The following TSHZ3 variants were observed in gnomAD, a reference collection of about 807,000 sequenced individuals.
The protein encoded by TSHZ3 is teashirt homolog 3.
TSHZ3 carries 10 observed loss-of-function variants against 64.5 expected under a neutral mutation model. The observed-to-expected ratio is 0.16, with a 90% CI of 0.10 to 0.26. TSHZ3 has a LOEUF of 0.26. Among genes scored for constraint, TSHZ3 ranks in the 10% least tolerant of loss-of-function variants. The probability of loss-of-function intolerance (pLI) is 1.00; values close to 1 mark genes in which losing one functional copy is unlikely to be tolerated. For synonymous variants in TSHZ3, 608 were observed against 593.1 expected (o/e 1.03, Z -0.36); for missense variants, 1,242 against 1,421.7 (o/e 0.87, Z 2.03).
At chr19:31,247,066 G>A (rs180981828) in intron 1 of TSHZ3, among the ~76,000 whole-genome samples, 2 of 152,284 alleles carry the variant, frequency 1.3e-5, no homozygotes, top group Admixed American at 1.3e-4. Context: ...CTTCCTTGCA[G>A]TAGAAAGACA....
intron 5 of TSHZ3, among the ~76,000 whole-genome samples, chr19:31,158,077 T>A (rs1218454427): frequency 6.6e-6 from 1 of 152,194 alleles, no homozygotes; most frequent in Non-Finnish European, 1.5e-5. Context: ...TAGATATACA[T>A]ATAATTTGGA....
intron 1 of TSHZ3, among the ~76,000 whole-genome samples, chr19:31,291,769 G>T (rs1358666608): frequency 6.6e-6 from 1 of 152,180 alleles, no homozygotes; most frequent in African/African-American, 2.4e-5. Flanking sequence ...CTGTCATGGG[G>T]AGTCCATACA....
intron 1 of TSHZ3, among the ~76,000 whole-genome samples, chr19:31,307,222 A>T (rs1916326003): frequency 6.6e-6 from 1 of 152,144 alleles, no homozygotes; most frequent in Admixed American, 6.5e-5. Context: ...GCTGTGTAAA[A>T]AGCCAAGTGC....
chr19:31,345,376 G>A (rs1014630723), intron 1 of TSHZ3, among the ~76,000 whole-genome samples: 3 of 152,280 alleles, frequency 2.0e-5, no homozygotes, highest in East Asian at 1.9e-4. Flanking sequence ...GCTCCTTCCT[G>A]GAGCTGCCCG....
chr19:31,313,862 G>A lies in TSHZ3; in HGVS notation c.41-34110C>T, dbSNP rs576364278. On this transcript the variant is annotated intron_variant, in intron 1 of 1. Transcript: ENST00000240587. ...GAAGGGTATGGCACTGAGAGTCCGG[G>A]TACCTGCATCCTGGCACCGACACTC... Among the ~76,000 whole-genome samples the A allele has an allele frequency of 3.3e-5, 5 of 152,278 alleles. No individual in the cohort carries two copies. In the East Asian group the frequency reaches 9.7e-4, roughly 30 times the overall value.
chr19:31,250,125 A>G (rs1232183922), intron 1 of TSHZ3, among the ~76,000 whole-genome samples: 2 of 152,216 alleles, frequency 1.3e-5, no homozygotes, highest in Non-Finnish European at 1.5e-5. Flanking sequence ...AATCTTTCTG[A>G]CATCTTAAAA....
intron 1 of TSHZ3, among the ~76,000 whole-genome samples, chr19:31,282,985 T>A (rs141046679): frequency 0.016 from 2,452 of 152,276 alleles, 35 homozygotes; most frequent in Admixed American, 0.025. Flanking sequence ...GTGAGAAGTA[T>A]TTCCTTAGGT....
chr19:31,293,030 A>AATCCATCCATCCATCCATCC (rs1042589257), intron 1 of TSHZ3, among the ~76,000 whole-genome samples: 6,422 of 121,096 alleles, frequency 0.053, 183 homozygotes, highest in South Asian at 0.088. Flanking sequence ...TCCATCCAAA[A>AATCCATCCATCCATCCATCC]ATCCATCCAT....
At chr19:31,313,772 T>C (rs577167430) in intron 1 of TSHZ3, among the ~76,000 whole-genome samples, 112 of 152,300 alleles carry the variant, frequency 7.4e-4, no homozygotes, top group Middle Eastern at 3.4e-3. Context: ...CTCCTTGCCC[T>C]AGAAAGGCCC....
At chr19:31,301,211 C>T (rs1293580118) in intron 1 of TSHZ3, among the ~76,000 whole-genome samples, 1 of 151,952 alleles carries the variant, frequency 6.6e-6, no homozygotes, top group Non-Finnish European at 1.5e-5. Flanking sequence ...TGCAAAGAAG[C>T]GGGTGGTGCA....
chr19:31,256,056 A>G (rs537763432), intron 1 of TSHZ3, among the ~76,000 whole-genome samples: 1 of 152,258 alleles, frequency 6.6e-6, no homozygotes, highest in South Asian at 2.1e-4. Context: ...GTGCATGGTC[A>G]TTCTTCATCA....
chr19:31,280,787 T>TGGAAGATGCACGTC (rs1452519952), intron 1 of TSHZ3, among the ~76,000 whole-genome samples: 15 of 152,374 alleles, frequency 9.8e-5, no homozygotes, highest in African/African-American at 3.6e-4. Flanking sequence ...GCCTGCAGGT[T>TGGAAGATGCACGTC]CTGGAAGATG....
chr19:31,271,870 C>T (rs1028692640), downstream of TSHZ3, among the ~76,000 whole-genome samples: 4 of 152,082 alleles, frequency 2.6e-5, no homozygotes, highest in African/African-American at 9.7e-5. Flanking sequence ...ACGATAATAG[C>T]TATTATTTTA....
At chr19:31,285,506 G>A (rs537494147) in intron 1 of TSHZ3, among the ~76,000 whole-genome samples, 4 of 150,228 alleles carry the variant, frequency 2.7e-5, no homozygotes, top group Non-Finnish European at 5.9e-5. Context: ...AAGTAGGCCA[G>A]GCGTGGTGGC....
At chr19:31,162,514 G>C (rs147754039) in intron 5 of TSHZ3, among the ~76,000 whole-genome samples, 1 of 152,026 alleles carries the variant, frequency 6.6e-6, no homozygotes, top group African/African-American at 2.4e-5. Context: ...GACTTTCTTG[G>C]ATTTTCCTGG....
intron 1 of TSHZ3, among the ~76,000 whole-genome samples, chr19:31,299,425 G>C (rs1976718253): frequency 6.6e-6 from 1 of 152,176 alleles, no homozygotes; most frequent in Non-Finnish European, 1.5e-5. Flanking sequence ...CGTGTAGCAA[G>C]GGTGCCCAGA....
chr19:31,223,954 G>A (rs527296466), intron 4 of TSHZ3, among the ~76,000 whole-genome samples: 12 of 152,258 alleles, frequency 7.9e-5, no homozygotes, highest in African/African-American at 2.6e-4. Context: ...GGCTACTTGC[G>A]TCCAACTCCT....
intron 3 of TSHZ3, among the ~76,000 whole-genome samples, chr19:31,235,699 CTTT>C (rs34677399): frequency 1.0e-4 from 6 of 59,564 alleles, no homozygotes; most frequent in African/African-American, 3.6e-4. Flanking sequence ...TCCTCTTCTT[CTTT>C]TTTTTTTTTT....
At chr19:31,244,788 C>T (rs1042856963) in intron 1 of TSHZ3, among the ~76,000 whole-genome samples, 3 of 152,112 alleles carry the variant, frequency 2.0e-5, no homozygotes, top group Non-Finnish European at 4.4e-5. Flanking sequence ...GGACTACAGG[C>T]ACATGCCACC....
Sources: gnomAD v4.1 joint callset for allele counts (sites outside exome capture counted in the v4.1 genomes callset) on GRCh38, gnomAD v4.1.1 for gene constraint, MANE v1.5 for transcripts, NCBI Gene and HGNC (gene_info 2026-07-23, HGNC 2026-07-21) for gene names.